SLC44A5: variants seen among roughly 807,000 people sequenced by gnomAD.
SLC44A5 encodes the protein solute carrier family 44 member 5.
Under a neutral mutation model 101.8 loss-of-function variants are expected in SLC44A5, and 57 were observed. The observed-to-expected ratio is 0.56, with a 90% CI of 0.45 to 0.70. The LOEUF is 0.70. Ranked by LOEUF, SLC44A5 falls within the 30% of genes least tolerant of loss-of-function variation. The probability of loss-of-function intolerance (pLI) is 0.00; values close to 1 mark genes in which losing one functional copy is unlikely to be tolerated. For synonymous variants in SLC44A5, 281 were observed against 290.9 expected (o/e 0.97, Z 0.35); for missense variants, 737 against 853.1 (o/e 0.86, Z 1.70).
At chr1:75,320,130 A>G (rs1656031947) in intron 4 of SLC44A5, among the ~76,000 whole-genome samples, 1 of 152,136 alleles carries the variant, frequency 6.6e-6, no homozygotes, top group South Asian at 2.1e-4. Flanking sequence ...TAGGACGTCT[A>G]AGCTTATAGT....
In SLC44A5 at chr1:75,339,658, C is replaced by T. The variant is rs776160710; in HGVS notation, c.53-28G>A. On this transcript the variant is annotated intron_variant, in intron 3 of 23. Coordinates refer to ENST00000370859, the MANE Select transcript of SLC44A5 (RefSeq NM_001130058.2). ...GCATTTAAAACAAAGACATTTTAAG[C>T]ATATAAGCCAGCAAATAAATTAATA... 1.8e-5 allele frequency: 28 copies of T among 1,575,486 alleles called. No homozygotes were observed. The South Asian group carries it at 3.1e-4, about 17-fold the overall frequency.
At chr1:75,475,232 G>A (rs1040945483) in intron 2 of SLC44A5, among the ~76,000 whole-genome samples, 15 of 152,142 alleles carry the variant, frequency 9.9e-5, no homozygotes, top group African/African-American at 3.4e-4. Context: ...CTTTCTAGAT[G>A]TCCTTCCAAT....
the SLC44A5 span, chr1:75,641,898 G>A: frequency 0.011 from 16,865 of 1,597,332 alleles, 110 homozygotes; most frequent in Non-Finnish European, 0.013. Context: ...ACCCATTCAA[G>A]AATTTCCTTC....
chr1:75,641,680 C>G, the SLC44A5 span: 1 of 1,516,698 alleles, frequency 6.6e-7, no homozygotes. Flanking sequence ...TACTATATAC[C>G]TCTCTCCAAT....
At chr1:75,421,858 ATC>A (rs1293593039) in intron 2 of SLC44A5, among the ~76,000 whole-genome samples, 2 of 151,988 alleles carry the variant, frequency 1.3e-5, no homozygotes, top group African/African-American at 2.4e-5. Context: ...TTTAGAAGAA[ATC>A]TGTTACTTTT....
chr1:75,298,117 A>G (rs17096636), intron 5 of SLC44A5, among the ~76,000 whole-genome samples: 1,815 of 152,292 alleles, frequency 0.012, 53 homozygotes, highest in African/African-American at 0.041. Context: ...TGACAGCATC[A>G]TATTTGCTCA....
At chr1:75,292,513 A>T (rs1359309957) in intron 5 of SLC44A5, among the ~76,000 whole-genome samples, 1 of 152,196 alleles carries the variant, frequency 6.6e-6, no homozygotes, top group Admixed American at 6.5e-5. Context: ...CCAACTATTT[A>T]GGTGTGGATT....
chr1:75,238,802 T>G (rs1235244753), intron 9 of SLC44A5, among the ~76,000 whole-genome samples, 166 bp from the exon 10 acceptor site: 1 of 152,102 alleles, frequency 6.6e-6, no homozygotes, highest in Non-Finnish European at 1.5e-5. Context: ...GATTTTCTAA[T>G]GGTCCTAAGA....
In SLC44A5 at chr1:75,463,581, T is replaced by A. The variant is rs951070738; in HGVS notation, c.14-66960A>T. Among the ~76,000 whole-genome samples, 3 of 152,016 alleles carry A rather than the reference T, an allele frequency of 2.0e-5. No homozygotes were observed. In the East Asian group the frequency reaches 5.8e-4, roughly 29 times the overall value. ...ATTTAAAGCAATAAAGGAAAAAATT[T>A]TTACCCTAGAATAGTATATATCTGG... On this transcript the variant is annotated intron_variant, in intron 2 of 23. Coordinates refer to ENST00000370859, the MANE Select transcript of SLC44A5 (RefSeq NM_001130058.2).
At chr1:75,705,574 T>C in the SLC44A5 span, among the ~76,000 whole-genome samples, 274 of 152,338 alleles carry the variant, frequency 1.8e-3, no homozygotes, top group Non-Finnish European at 3.0e-3. Flanking sequence ...ATTCACTAAA[T>C]CTATAGTTAT....
chr1:75,366,337 A>G (rs1659856016), intron 3 of SLC44A5, among the ~76,000 whole-genome samples: 1 of 152,028 alleles, frequency 6.6e-6, no homozygotes, highest in Non-Finnish European at 1.5e-5. Context: ...CCTTTTGAAT[A>G]TATAATCCCA....
chr1:75,482,917 A>T (rs900132340), intron 2 of SLC44A5, among the ~76,000 whole-genome samples: 4 of 152,370 alleles, frequency 2.6e-5, no homozygotes, highest in African/African-American at 9.6e-5. Context: ...AAATGTTATG[A>T]TAAACTATGA....
At position 75,349,908 on chromosome 1, in the gene SLC44A5, T is replaced by C. The variant is rs527574019; in HGVS notation, c.53-10278A>G. On this transcript the variant is annotated intron_variant, in intron 3 of 23. Coordinates refer to ENST00000370859, the MANE Select transcript of SLC44A5 (RefSeq NM_001130058.2). Reference sequence around the variant, plus strand: ...TCAGCATACATTACTTCCAGACTAGTAGAGGAAGGAAAATAGAATAAGAAA... The same window carrying C: ...TCAGCATACATTACTTCCAGACTAGCAGAGGAAGGAAAATAGAATAAGAAA... Among the ~76,000 whole-genome samples, 6 of 152,056 alleles carry C rather than the reference T, an allele frequency of 3.9e-5. No individual in the cohort carries two copies. The East Asian group carries it at 5.8e-4, about 15-fold the overall frequency.
intron 2 of SLC44A5, among the ~76,000 whole-genome samples, chr1:75,468,299 C>A (rs1026403892): frequency 1.6e-4 from 25 of 152,266 alleles, no homozygotes; most frequent in Admixed American, 4.6e-4. Context: ...ACTATATGAT[C>A]CAGGAATCCT....
the SLC44A5 span, among the ~76,000 whole-genome samples, chr1:75,697,200 G>T: frequency 1.3e-5 from 2 of 152,156 alleles, no homozygotes; most frequent in African/African-American, 4.8e-5. Context: ...TTGAGGTCAG[G>T]AGTTCAAGGC....
At chr1:75,572,408 A>G (rs1673121781) in intron 1 of SLC44A5, among the ~76,000 whole-genome samples, 1 of 152,240 alleles carries the variant, frequency 6.6e-6, no homozygotes, top group South Asian at 2.1e-4. Flanking sequence ...ATTTGAAGCT[A>G]GAATATTCTC....
chr1:75,622,151 T>C, the SLC44A5 span, among the ~76,000 whole-genome samples: 2 of 152,116 alleles, frequency 1.3e-5, no homozygotes, highest in East Asian at 1.9e-4. Context: ...TTCATTTATG[T>C]GTGTTTGAAT....
chr1:75,388,058 T>C (rs1404168666), intron 3 of SLC44A5, among the ~76,000 whole-genome samples: 1 of 110,102 alleles, frequency 9.1e-6, no homozygotes, highest in Admixed American at 1.0e-4. Context: ...CTGGTGACTG[T>C]TGTGGGGTGG....
intron 7 of SLC44A5, among the ~76,000 whole-genome samples, chr1:75,248,100 G>A (rs901294050): frequency 1.3e-5 from 2 of 152,020 alleles, no homozygotes; most frequent in Non-Finnish European, 2.9e-5. Context: ...TAAGTAAAAT[G>A]TTTGTTGTAA....
Sources: allele counts gnomAD v4.1 joint callset (sites outside exome capture counted in the v4.1 genomes callset), GRCh38; gene constraint gnomAD v4.1.1; transcripts MANE v1.5; gene names NCBI Gene and HGNC (gene_info 2026-07-23, HGNC 2026-07-21).